The following ITPRID1 variants were observed in gnomAD, a reference collection of about 807,000 sequenced individuals.
ITPRID1 encodes the protein ITPR interacting domain containing 1.
Under a neutral mutation model 95.4 loss-of-function variants are expected in ITPRID1, and 96 were observed. The observed-to-expected ratio is 1.01, with a 90% CI of 0.85 to 1.19. ITPRID1 has a LOEUF of 1.19. Among genes scored for constraint, ITPRID1 ranks in the 50% most tolerant of loss-of-function variants. The pLI is 0.00. For missense variants in ITPRID1, 1,339 were observed against 1,252.9 expected, an observed-to-expected ratio of 1.07 and a Z score of -1.04; for synonymous variants, 510 against 453.6, an observed-to-expected ratio of 1.12 and a Z score of -1.58.
At chr7:31,589,112 A>G (rs1293502281) in intron 10 of ITPRID1, among the ~76,000 whole-genome samples, 1 of 152,050 alleles carries the variant, frequency 6.6e-6, no homozygotes, top group East Asian at 1.9e-4. Context: ...GAATGAAAAG[A>G]TAGAAAATCT....
intron 12 of ITPRID1, among the ~76,000 whole-genome samples, chr7:31,644,711 A>G (rs1790314525): frequency 6.6e-6 from 1 of 152,174 alleles, no homozygotes; most frequent in Admixed American, 6.6e-5. Context: ...CTTTTTAGTA[A>G]GTTTTTAAGG....
At chr7:31,614,953 T>C (rs555960432) in intron 10 of ITPRID1, among the ~76,000 whole-genome samples, 1 of 152,346 alleles carries the variant, frequency 6.6e-6, no homozygotes, top group Admixed American at 6.5e-5. Context: ...GGTCCATTGC[T>C]AGTGTTTTCC....
chr7:31,591,594 T>C (rs1785865911), intron 10 of ITPRID1, among the ~76,000 whole-genome samples: 1 of 151,714 alleles, frequency 6.6e-6, no homozygotes, highest in Non-Finnish European at 1.5e-5. Flanking sequence ...GAAAAATAGA[T>C]GGCATGCTCA....
intron 1 of ITPRID1, among the ~76,000 whole-genome samples, chr7:31,522,344 T>C (rs1477271559): frequency 6.6e-6 from 1 of 152,212 alleles, no homozygotes; most frequent in African/African-American, 2.4e-5. Flanking sequence ...AGACTAAGAT[T>C]GCAGTGTGAA....
At chr7:31,605,687 T>A (rs773861986) in intron 10 of ITPRID1, among the ~76,000 whole-genome samples, 3 of 152,212 alleles carry the variant, frequency 2.0e-5, no homozygotes, top group Non-Finnish European at 4.4e-5. Flanking sequence ...TAGGGTTCTT[T>A]CTCTCATAAC....
At chr7:31,545,559 A>T (rs1334880967) in intron 1 of ITPRID1, among the ~76,000 whole-genome samples, 1 of 152,130 alleles carries the variant, frequency 6.6e-6, no homozygotes, top group Admixed American at 6.6e-5. Flanking sequence ...TCCAGGAAGC[A>T]GTATATATAG....
At position 31,652,778 on chromosome 7, in the gene ITPRID1, C is replaced by A. The variant is rs1024231628; in HGVS notation, c.3084C>A (p.Thr1028=). 2 of 1,613,858 alleles carry A rather than the reference C, an allele frequency of 1.2e-6. No homozygotes were observed. Among genetic ancestry groups the A allele is most frequent in the African/African-American group, 2.7e-5 (2 of 75,042 alleles). The change falls in exon 15 of 15, where the codon ACC becomes ACA. Residue 1028 remains threonine (T), a synonymous_variant. Coordinates refer to ENST00000615280, the MANE Select transcript of ITPRID1 (RefSeq NM_001257967.3). The part of the protein sequence containing the change: ...SSSAWAKLGP[T]PLSNCPVGEK... ...CAGCTTGGGCAAAGTTAGGTCCAAC[C>A]CCTTTGTCAAATTGTCCTGTTGGAG...
At chr7:31,635,579 C>T (rs912562199) in intron 10 of ITPRID1, among the ~76,000 whole-genome samples, 3 of 152,170 alleles carry the variant, frequency 2.0e-5, no homozygotes, top group Non-Finnish European at 4.4e-5. Flanking sequence ...CACAAGTATA[C>T]CTCTTTTGGA....
At chr7:31,597,358 C>CAT (rs1786130808) in intron 10 of ITPRID1, among the ~76,000 whole-genome samples, 1 of 151,856 alleles carries the variant, frequency 6.6e-6, no homozygotes, top group Non-Finnish European at 1.5e-5. Context: ...TAACTGTCTA[C>CAT]ATACAAAACT....
intron 4 of ITPRID1, 142 bp downstream of exon 4, chr7:31,554,665 G>T: frequency 1.8e-6 from 2 of 1,135,230 alleles, no homozygotes; most frequent in Non-Finnish European, 2.5e-6. Flanking sequence ...TTCTATTATT[G>T]TAAAAACTAT....
At chr7:31,589,221 TGAAA>T (rs1423078434) in intron 10 of ITPRID1, among the ~76,000 whole-genome samples, 1 of 151,980 alleles carries the variant, frequency 6.6e-6, no homozygotes, top group African/African-American at 2.4e-5. Flanking sequence ...TCAGAAACAA[TGAAA>T]GAAAGACTTG....
At chr7:31,535,623 T>C (rs1352913687) in intron 1 of ITPRID1, among the ~76,000 whole-genome samples, 1 of 152,074 alleles carries the variant, frequency 6.6e-6, no homozygotes, top group Non-Finnish European at 1.5e-5. Context: ...AAAGGTCTTT[T>C]AAAAGCACTT....
intron 10 of ITPRID1, among the ~76,000 whole-genome samples, chr7:31,627,599 G>T (rs977446364): frequency 7.4e-6 from 1 of 134,562 alleles, no homozygotes; most frequent in South Asian, 2.5e-4. Flanking sequence ...TCATGGCTAC[G>T]CAGTAAGCTG....
rs1791267061 is a variant in ITPRID1 at position 31,655,678 on chromosome 7, T to C, written c.*2849T>C. On this transcript the variant is annotated 3_prime_UTR_variant, in exon 15 of 15. Coordinates refer to ENST00000615280, the MANE Select transcript of ITPRID1 (RefSeq NM_001257967.3). The stretch of plus-strand genomic sequence containing the variant: ...TTTGCCACATCCCCATCTTGGCTCC[T>C]ATATCATGGCTCAGCTCCCAGCCAA... 1.0e-6 allele frequency: 1 copy of C among 956,950 alleles called. No individual in the cohort carries two copies. Among genetic ancestry groups the C allele is most frequent in the Non-Finnish European group, 1.2e-6 (1 of 803,638 alleles). 59.3% of individuals were successfully genotyped at this position (956,950 alleles called of 1,614,324 possible).
intron 10 of ITPRID1, among the ~76,000 whole-genome samples, chr7:31,596,625 A>T (rs921853409): frequency 3.3e-5 from 5 of 151,718 alleles, no homozygotes; most frequent in South Asian, 2.1e-4. Context: ...GACAGATTTT[A>T]AAAAAATGTG....
At chr7:31,616,163 A>T (rs1214217297) in intron 10 of ITPRID1, among the ~76,000 whole-genome samples, 1 of 150,656 alleles carries the variant, frequency 6.6e-6, no homozygotes, top group African/African-American at 2.5e-5. Flanking sequence ...GAATTCTTAC[A>T]GTTTTCAAGA....
intron 12 of ITPRID1, 23 bp downstream of exon 12, chr7:31,643,976 A>G (rs369610075): frequency 6.3e-7 from 1 of 1,575,122 alleles, no homozygotes; most frequent in African/African-American, 1.4e-5. Flanking sequence ...CCTGGCAAAG[A>G]TGGAAAGGCA....
At chr7:31,601,693 T>G (rs1276645000) in intron 10 of ITPRID1, among the ~76,000 whole-genome samples, 1 of 152,198 alleles carries the variant, frequency 6.6e-6, no homozygotes, top group African/African-American at 2.4e-5. Flanking sequence ...GTTGCTAATG[T>G]GGAGGTAAAA....
At chr7:31,657,776 T>C (rs1255972156), downstream of ITPRID1, among the ~76,000 whole-genome samples, 1 of 152,146 alleles carries the variant, frequency 6.6e-6, no homozygotes, top group Non-Finnish European at 1.5e-5. Flanking sequence ...TTGTACTAAA[T>C]ATTTGCAGAA....
Sources: gnomAD v4.1 joint callset for allele counts (sites outside exome capture counted in the v4.1 genomes callset) on GRCh38, gnomAD v4.1.1 for gene constraint, MANE v1.5 for transcripts, NCBI Gene and HGNC (gene_info 2026-07-23, HGNC 2026-07-21) for gene names.